RBFOX1: variants seen among roughly 807,000 people sequenced by gnomAD.
The protein encoded by RBFOX1 is RNA binding fox-1 homolog 1.
A neutral mutation model predicts 57.7 loss-of-function variants in RBFOX1; 8 were observed. That is an observed-to-expected ratio of 0.14 (90% CI 0.08 to 0.25). The LOEUF (loss-of-function observed/expected upper bound fraction) is 0.25. Ranked by LOEUF, RBFOX1 falls within the 10% of genes least tolerant of loss-of-function variation. RBFOX1 has a pLI of 1.00. For synonymous variants in RBFOX1, 326 were observed against 222.4 expected (o/e 1.47, Z -4.15); for missense variants, 611 against 548.5 (o/e 1.11, Z -1.14).
chr16:6,351,372 A>ATATTTT (rs1199701253), intron 2 of RBFOX1, among the ~76,000 whole-genome samples: 1 of 86,428 alleles, frequency 1.2e-5, no homozygotes, highest in African/African-American at 5.1e-5. Context: ...ATATATATAT[A>ATATTTT]TTTTTTTTTT....
chr16:6,683,433 T>C (rs111443758), intron 3 of RBFOX1, among the ~76,000 whole-genome samples: 1,809 of 152,290 alleles, frequency 0.012, 33 homozygotes, highest in African/African-American at 0.033. Flanking sequence ...TTGGGGAGGA[T>C]ATATCTATGT....
At chr16:5,882,160 A>T (rs913517619) in intron 4 of RBFOX1, among the ~76,000 whole-genome samples, 1 of 152,064 alleles carries the variant, frequency 6.6e-6, no homozygotes, top group African/African-American at 2.4e-5. Context: ...CTTTCCACAC[A>T]CTGTGAAGGT....
At chr16:7,688,256 TGTGTGAGAGAGAGA>T (rs2076526575) in intron 14 of RBFOX1, among the ~76,000 whole-genome samples, 1 of 123,262 alleles carries the variant, frequency 8.1e-6, no homozygotes, top group Non-Finnish European at 1.7e-5. Flanking sequence ...TGTGTGTGTG[TGTGTGAGAGAGAGA>T]GAGAGAGAGA....
At chr16:5,469,546 G>T (rs1473110739) in intron 2 of RBFOX1, among the ~76,000 whole-genome samples, 1 of 152,260 alleles carries the variant, frequency 6.6e-6, no homozygotes, top group East Asian at 1.9e-4. Flanking sequence ...GCGTTTTACA[G>T]TGAGCAGCTC....
chr16:6,089,073 AAAAAAAT>A (rs920894677), intron 1 of RBFOX1, among the ~76,000 whole-genome samples: 3 of 146,744 alleles, frequency 2.0e-5, no homozygotes, highest in African/African-American at 7.8e-5. Context: ...CTCAAAAAAA[AAAAAAAT>A]ATATATATAT....
At chr16:6,782,249 C>T (rs73530723) in intron 3 of RBFOX1, among the ~76,000 whole-genome samples, 7,561 of 152,170 alleles carry the variant, frequency 0.05, 611 homozygotes, top group African/African-American at 0.17. Context: ...TCGTGGTCTG[C>T]CCACCTCGGG....
At chr16:6,589,713 G>A (rs556437013) in intron 2 of RBFOX1, among the ~76,000 whole-genome samples, 24 of 152,176 alleles carry the variant, frequency 1.6e-4, no homozygotes, top group Non-Finnish European at 3.1e-4. Flanking sequence ...AGGCATAAAG[G>A]GGGATTGTTT....
chr16:7,120,523 C>G (rs984617562), intron 4 of RBFOX1, among the ~76,000 whole-genome samples: 1 of 151,702 alleles, frequency 6.6e-6, no homozygotes, highest in African/African-American at 2.4e-5. Context: ...CACATGTAGT[C>G]AACAACTTAC....
chr16:6,103,580 A>T (rs2096341266), intron 1 of RBFOX1, among the ~76,000 whole-genome samples: 1 of 152,124 alleles, frequency 6.6e-6, no homozygotes, highest in Non-Finnish European at 1.5e-5. Context: ...GATAACAAGC[A>T]GATTCAGGCT....
intron 4 of RBFOX1, among the ~76,000 whole-genome samples, chr16:7,485,895 G>A (rs2065237423): frequency 1.3e-5 from 2 of 152,036 alleles, no homozygotes; most frequent in South Asian, 4.1e-4. Context: ...AAGTTTTATT[G>A]GCACATAGCC....
At chr16:6,726,093 T>G (rs1203971885) in intron 3 of RBFOX1, among the ~76,000 whole-genome samples, 1 of 152,190 alleles carries the variant, frequency 6.6e-6, no homozygotes, top group Non-Finnish European at 1.5e-5. Context: ...TATTCAGTGT[T>G]AAATATGAGA....
chr16:7,360,294 C>G (rs1371396933), intron 4 of RBFOX1, among the ~76,000 whole-genome samples: 1 of 152,122 alleles, frequency 6.6e-6, no homozygotes, highest in African/African-American at 2.4e-5. Context: ...CAAAATGTGT[C>G]ACATGTTAGC....
intron 2 of RBFOX1, among the ~76,000 whole-genome samples, chr16:5,542,016 G>T (rs2044975290): frequency 6.6e-6 from 1 of 152,126 alleles, no homozygotes; most frequent in South Asian, 2.1e-4. Flanking sequence ...AGGAACTGCT[G>T]TTCACTTGCG....
Position 7,023,556 on chromosome 16 carries a change from G to A in RBFOX1, c.-15-28501G>A, listed in dbSNP as rs145715912. Among the ~76,000 whole-genome samples the A allele has an allele frequency of 3.3e-3, 275 of 82,586 alleles. 1 individual carries two copies. The highest frequency in any genetic ancestry group is 0.014 in the African/African-American group (261 of 19,036). 54.2% of individuals were successfully genotyped at this position (82,586 alleles called of 152,430 possible). Reference sequence around the variant, plus strand: ...AGCCTGGCCAACATGGTGAAACTTCGTCTGTACTAAAAAAAAAAAAAAAAA... The same window carrying A: ...AGCCTGGCCAACATGGTGAAACTTCATCTGTACTAAAAAAAAAAAAAAAAA... On this transcript the variant is annotated intron_variant, in intron 3 of 15. Coordinates refer to ENST00000550418, the MANE Select transcript of RBFOX1 (RefSeq NM_018723.4).
intron 1 of RBFOX1, among the ~76,000 whole-genome samples, chr16:6,265,883 A>G: frequency 6.6e-6 from 1 of 151,882 alleles, no homozygotes; most frequent in Non-Finnish European, 1.5e-5. Context: ...ACATTTGAAA[A>G]CCCTGTCTTC....
chr16:7,511,534 T>A (rs2075085730), intron 4 of RBFOX1, among the ~76,000 whole-genome samples: 1 of 152,202 alleles, frequency 6.6e-6, no homozygotes, highest in Admixed American at 6.5e-5. Context: ...CACACTATGC[T>A]AATAGTCAGA....
chr16:7,689,344 G>A (rs944688106), intron 14 of RBFOX1, among the ~76,000 whole-genome samples: 13 of 152,106 alleles, frequency 8.5e-5, no homozygotes, highest in African/African-American at 3.1e-4. Flanking sequence ...GGTGAGCTTT[G>A]AAGTGAAAAT....
chr16:6,447,255 G>A (rs1037110687), intron 2 of RBFOX1, among the ~76,000 whole-genome samples: 1 of 152,152 alleles, frequency 6.6e-6, no homozygotes, highest in East Asian at 1.9e-4. Flanking sequence ...TGCCAGAAAG[G>A]CCTAGTTTGG....
At chr16:6,780,636 C>T (rs554461477) in intron 3 of RBFOX1, among the ~76,000 whole-genome samples, 97 of 135,312 alleles carry the variant, frequency 7.2e-4, no homozygotes, top group Non-Finnish European at 1.4e-3. Context: ...GGTTTCTTTT[C>T]TTTCTTTTAT....
Sources: gnomAD v4.1 joint callset for allele counts (sites outside exome capture counted in the v4.1 genomes callset) on GRCh38, gnomAD v4.1.1 for gene constraint, MANE v1.5 for transcripts, NCBI Gene and HGNC (gene_info 2026-07-23, HGNC 2026-07-21) for gene names.